MAPK10: variants seen among roughly 807,000 people sequenced by gnomAD.
MAPK10 encodes the protein JNK3 alpha protein kinase.
A neutral mutation model predicts 59.3 loss-of-function variants in MAPK10; 25 were observed. The ratio of observed to expected loss-of-function variants is 0.42; its 90% CI spans 0.31 to 0.59. The LOEUF is 0.59. Among genes scored for constraint, MAPK10 ranks in the 20% least tolerant of loss-of-function variants. The pLI, the probability that MAPK10 is intolerant of heterozygous loss-of-function variation, is 0.15. For missense variants in MAPK10, 351 were observed against 568.9 expected (o/e 0.62, Z 3.90); for synonymous variants, 190 against 200.5 (o/e 0.95, Z 0.44).
chr4:86,064,167 A>G, intron 11 of MAPK10, 99 bp downstream of exon 11: 1 of 1,429,700 alleles, frequency 7.0e-7, no homozygotes, highest in Non-Finnish European at 9.5e-7. Context: ...AATTTTATAA[A>G]AATCCATTGT....
At chr4:86,528,793 T>C (rs1564992077) in intron 1 of MAPK10, among the ~76,000 whole-genome samples, 1 of 152,242 alleles carries the variant, frequency 6.6e-6, no homozygotes, top group Non-Finnish European at 1.5e-5. Context: ...TTGCCTAATT[T>C]TGTGCTTTTC....
At chr4:86,362,415 TA>T (rs564786945), upstream of MAPK10, among the ~76,000 whole-genome samples, 427 of 135,848 alleles carry the variant, frequency 3.1e-3, no homozygotes, top group African/African-American at 3.6e-3. Flanking sequence ...GCACTTACCA[TA>T]AAAAAAAAAA....
intron 2 of MAPK10, among the ~76,000 whole-genome samples, chr4:86,221,481 T>G (rs751724656): frequency 6.8e-4 from 82 of 121,102 alleles, no homozygotes; most frequent in Non-Finnish European, 9.7e-4. Context: ...ATATTTTTGG[T>G]TTTTTTTTTT....
At chr4:86,457,467 T>C (rs2149059215), upstream of MAPK10, among the ~76,000 whole-genome samples, 1 of 152,302 alleles carries the variant, frequency 6.6e-6, no homozygotes, top group Non-Finnish European at 1.5e-5. Context: ...AGTTTCCAGA[T>C]ACAAAAATCA....
chr4:86,382,568 G>C (rs1740900408), intron 1 of MAPK10, among the ~76,000 whole-genome samples: 1 of 152,170 alleles, frequency 6.6e-6, no homozygotes, highest in South Asian at 2.1e-4. Flanking sequence ...CTAGCCCAGT[G>C]CCTGGCATAA....
rs754886452 is a variant in MAPK10 at position 86,055,996 on chromosome 4, CTG to C, written c.1110+8268_1110+8269del. Among the ~76,000 whole-genome samples, 26 of 150,060 alleles carry C rather than the reference CTG, an allele frequency of 1.7e-4. 1 individual carries two copies. Among genetic ancestry groups the C allele is most frequent in the Non-Finnish European group, 3.0e-4 (20 of 67,608 alleles). On this transcript the variant is annotated intron_variant, in intron 11 of 13. Transcript: ENST00000641462. The stretch of plus-strand genomic sequence containing the variant: ...TGTGGGGAAAATCAGGAAACAAAAA[CTG>C]TAGTTTCAGAATTTCAGATGGATTA...
intron 2 of MAPK10, among the ~76,000 whole-genome samples, chr4:86,228,239 C>A (rs564477236): frequency 6.6e-6 from 1 of 152,268 alleles, no homozygotes; most frequent in South Asian, 2.1e-4. Context: ...TGGTTAGGAG[C>A]ATGGGCTCTG....
intron 1 of MAPK10, among the ~76,000 whole-genome samples, chr4:86,561,592 T>C (rs568763294): frequency 6.6e-6 from 1 of 152,314 alleles, no homozygotes; most frequent in Non-Finnish European, 1.5e-5. Context: ...TATGAAAAAT[T>C]AGCTGTGCTG....
intron 1 of MAPK10, among the ~76,000 whole-genome samples, chr4:86,445,732 A>G (rs1411511434): frequency 6.6e-6 from 1 of 152,188 alleles, no homozygotes; most frequent in Non-Finnish European, 1.5e-5. Flanking sequence ...AAATATTTAA[A>G]GTATGTATGT....
intron 2 of MAPK10, among the ~76,000 whole-genome samples, chr4:86,275,410 A>G (rs2094544558): frequency 6.6e-6 from 1 of 152,050 alleles, no homozygotes; most frequent in African/African-American, 2.4e-5. Flanking sequence ...ACTTCTAGCG[A>G]ATGACCCCAA....
rs80229540 is a variant in MAPK10, at chr4:86,303,998, G to T, written c.-7+50532C>A. The stretch of plus-strand genomic sequence containing the variant: ...CAGGATCTTCTAGATAGCACCCAGT[G>T]GTCTCTTTAGTCCATTTCCAAGTCT... On this transcript the variant is annotated intron_variant, in intron 2 of 13. Transcript: ENST00000641462. Among the ~76,000 whole-genome samples, 569 of 152,220 alleles carry T rather than the reference G, an allele frequency of 3.7e-3. 3 individuals are homozygous for T. The highest frequency in any genetic ancestry group is 0.013 in the African/African-American group (539 of 41,556).
intron 2 of MAPK10, among the ~76,000 whole-genome samples, chr4:86,238,862 G>A (rs753486256): frequency 1.1e-4 from 16 of 152,054 alleles, no homozygotes; most frequent in African/African-American, 1.9e-4. Flanking sequence ...AGATTGCCCC[G>A]GCCAGAACTT....
At chr4:86,206,611 G>C (rs1283165641) in intron 2 of MAPK10, among the ~76,000 whole-genome samples, 2 of 152,218 alleles carry the variant, frequency 1.3e-5, no homozygotes, top group African/African-American at 4.8e-5. Flanking sequence ...GATCCCTGAA[G>C]AATCACCACA....
At chr4:86,424,708 T>C (rs1747041624) in intron 1 of MAPK10, among the ~76,000 whole-genome samples, 4 of 151,922 alleles carry the variant, frequency 2.6e-5, no homozygotes, top group Non-Finnish European at 5.9e-5. Flanking sequence ...AGCATGATCA[T>C]GAGGGTAGCA....
intron 1 of MAPK10, among the ~76,000 whole-genome samples, chr4:86,581,400 C>T (rs1430197946): frequency 6.6e-6 from 1 of 151,970 alleles, no homozygotes; most frequent in Non-Finnish European, 1.5e-5. Context: ...ATGCAACCTT[C>T]TAAAGGTTGA....
chr4:86,352,231 G>A (rs1481013486), intron 2 of MAPK10: 3 of 151,750 alleles, frequency 2.0e-5, no homozygotes, highest in African/African-American at 7.3e-5. Flanking sequence ...GAAACTATGA[G>A]AACTAATATA....
rs116570983 is a variant in MAPK10 at position 86,556,414 on chromosome 4, C to T, written c.-263+37496G>A. On this transcript the variant is annotated intron_variant, in intron 1 of 4. Coordinates refer to the MAPK10 transcript ENST00000502302. ...ACAAAATTCTAGATATCATAATAAGCCTTACTCATTTATTGTTTGACATAA... is the reference window on the plus strand; with the variant it reads ...ACAAAATTCTAGATATCATAATAAGTCTTACTCATTTATTGTTTGACATAA... Among the ~76,000 whole-genome samples the T allele has an allele frequency of 9.5e-3, 1,441 of 151,972 alleles. 7 individuals carry two copies. Among genetic ancestry groups the T allele is most frequent in the Non-Finnish European group, 0.014 (957 of 67,916 alleles).
chr4:86,318,867 A>G (rs6531915), intron 2 of MAPK10, among the ~76,000 whole-genome samples: 111,493 of 151,978 alleles, frequency 0.73, 41,157 homozygotes, highest in South Asian at 0.87. Flanking sequence ...GGACCTGAAC[A>G]GGTTGCATAA....
intron 4 of MAPK10, chr4:86,158,988 ACT>A (rs2068689336): frequency 4.8e-6 from 1 of 206,530 alleles, no homozygotes; most frequent in East Asian, 1.1e-4. Context: ...AACAAATAAA[ACT>A]CTACAAATAC....
Sources: allele counts gnomAD v4.1 joint callset (sites outside exome capture counted in the v4.1 genomes callset), GRCh38; gene constraint gnomAD v4.1.1; transcripts MANE v1.5; gene names NCBI Gene and HGNC (gene_info 2026-07-23, HGNC 2026-07-21).